Variants in DMD observed in about 807,000 individuals in gnomAD.
The protein encoded by DMD is dystrophin, also known as mutant dystrophin.
DMD carries 63 observed loss-of-function variants against 330.1 expected under a neutral mutation model. The ratio of observed to expected loss-of-function variants is 0.19; its 90% CI spans 0.16 to 0.24. The LOEUF (loss-of-function observed/expected upper bound fraction) is 0.24, where lower values mean the gene tolerates loss of function less well. Among genes scored for constraint, DMD ranks in the 10% least tolerant of loss-of-function variants. DMD has a pLI of 1.00. For missense variants in DMD, 3,344 were observed against 2,684.1 expected (o/e 1.25, Z -5.43); for synonymous variants, 1,223 against 959.8 (o/e 1.27, Z -5.07).
At chrX:32,192,682 C>T (rs933058483) in intron 44 of DMD, among the ~76,000 whole-genome samples, 4 of 111,495 alleles carry the variant, frequency 3.6e-5, no homozygotes, top group Non-Finnish European at 5.6e-5. Flanking sequence ...ACTGGCATGG[C>T]TACTTTGGAA....
In DMD at chrX:31,607,008, C is replaced by G. The variant is rs571411125; in HGVS notation, c.8217+20665G>C. On this transcript the variant is annotated intron_variant, in intron 55 of 78. Coordinates refer to ENST00000357033, the MANE Select transcript of DMD (RefSeq NM_004006.3). ...TTCATAAAGATGATTCAGAATTAAT[C>G]AGTCCTACTGCTACTTTTATTATTT... is the stretch of plus-strand genomic sequence containing the variant. Among the ~76,000 whole-genome samples, 41 of 112,000 alleles carry G rather than the reference C, an allele frequency of 3.7e-4. No individual in the cohort carries two copies. In the South Asian group the frequency reaches 0.015, roughly 40 times the overall value.
At chrX:31,515,631 T>C (rs2072114775) in intron 55 of DMD, among the ~76,000 whole-genome samples, 1 of 111,675 alleles carries the variant, frequency 9.0e-6, no homozygotes, top group Non-Finnish European at 1.9e-5. Context: ...GTGGCTAAAT[T>C]GAGAGTAGGA....
intron 63 of DMD, among the ~76,000 whole-genome samples, chrX:31,229,490 A>G (rs762009529): frequency 1.8e-5 from 2 of 112,024 alleles, no homozygotes; most frequent in South Asian, 7.6e-4. Flanking sequence ...TAACTTTATG[A>G]GTGGAAAGAG....
intron 45 of DMD, among the ~76,000 whole-genome samples, chrX:31,938,605 C>G (rs1269055350): frequency 6.3e-5 from 7 of 111,441 alleles, no homozygotes; most frequent in Non-Finnish European, 9.4e-5. Context: ...CTCAGTTTTC[C>G]AGAGGGCATC....
intron 7 of DMD, among the ~76,000 whole-genome samples, chrX:32,719,969 C>CATATAT (rs58382484): frequency 1.9e-5 from 2 of 103,366 alleles, no homozygotes; most frequent in African/African-American, 3.5e-5. Context: ...TTCATTCATT[C>CATATAT]ATATATATAT....
At chrX:33,045,411 T>C (rs1443380249) in intron 1 of DMD, among the ~76,000 whole-genome samples, 1 of 110,095 alleles carries the variant, frequency 9.1e-6, no homozygotes, top group Non-Finnish European at 1.9e-5. Flanking sequence ...AGGCACTGTT[T>C]CCTCACTGCC....
chrX:32,071,681 C>A (rs1481540189), intron 44 of DMD, among the ~76,000 whole-genome samples: 1 of 109,473 alleles, frequency 9.1e-6, no homozygotes, highest in Admixed American at 9.7e-5. Context: ...TCAGAAATAT[C>A]AAAAAAAAGA....
At chrX:32,398,881 C>A (rs908355945) in intron 30 of DMD, among the ~76,000 whole-genome samples, 6 of 111,340 alleles carry the variant, frequency 5.4e-5, no homozygotes, top group African/African-American at 2.0e-4. Context: ...ATGGTACTGG[C>A]TTAAGCGCAA....
rs1330794611 is a variant in DMD, at chrX:32,581,273, G to T, written c.1603-7427C>A. On this transcript the variant is annotated intron_variant, in intron 13 of 78. Coordinates refer to ENST00000357033, the MANE Select transcript of DMD (RefSeq NM_004006.3). ...TAATAAAATGCATAAGATAATGTAG[G>T]TGTAACAGAATAGGTAGTAATGGGG... Among the ~76,000 whole-genome samples, 4 of 112,183 alleles carry T rather than the reference G, an allele frequency of 3.6e-5. No individual in the cohort carries two copies. The Admixed American group carries it at 3.8e-4, about 11-fold the overall frequency.
In DMD at chrX:32,252,687, TATATATATAA is replaced by T. The variant is rs1182695139; in HGVS notation, c.6290+34832_6290+34841del. On this transcript the variant is annotated intron_variant, in intron 43 of 78. Transcript: ENST00000357033. ...AAATATATATATATAAATATATAAATATATATATAAATATATATAAATATATAAATATATA... is the reference window on the plus strand; with the variant it reads ...AAATATATATATATAAATATATAAATATATATATAAATATATAAATATATA... 4.2e-4 allele frequency among the ~76,000 whole-genome samples: 15 copies of T among 35,513 alleles called. 1 individual carries two copies. Among genetic ancestry groups the T allele is most frequent in the Admixed American group, 5.4e-4 (1 of 1,859 alleles). The allele number at this position is 35,513 out of a possible 115,157, so 30.8% of individuals were successfully genotyped here. A position where few individuals can be genotyped will look rare whatever the true frequency, so the allele number is the denominator to read the frequency against.
chrX:32,675,970 A>T (rs1451528540), intron 9 of DMD, among the ~76,000 whole-genome samples: 1 of 111,616 alleles, frequency 9.0e-6, no homozygotes, highest in African/African-American at 3.2e-5. Flanking sequence ...GAAGGAGCTT[A>T]GGCTAATAAA....
intron 18 of DMD, among the ~76,000 whole-genome samples, chrX:32,511,524 GAAAAAA>G (rs67754841): frequency 1.0e-4 from 5 of 49,795 alleles, no homozygotes; most frequent in Non-Finnish European, 1.4e-4. Context: ...TCCGTCTCGG[GAAAAAA>G]AAAAAAAAAA....
chrX:32,972,119 C>A (rs1056860765), intron 2 of DMD, among the ~76,000 whole-genome samples: 2 of 111,352 alleles, frequency 1.8e-5, no homozygotes, highest in Admixed American at 1.9e-4. Context: ...ATAACCTTGG[C>A]TTTTAATCAA....
intron 44 of DMD, among the ~76,000 whole-genome samples, chrX:32,129,844 G>A (rs2096681771): frequency 9.1e-6 from 1 of 110,161 alleles, no homozygotes; most frequent in Non-Finnish European, 1.9e-5. Context: ...TCATTTTAAA[G>A]GGCAGACATC....
chrX:32,738,298 A>T (rs1211052531), intron 7 of DMD, among the ~76,000 whole-genome samples: 1 of 111,583 alleles, frequency 9.0e-6, no homozygotes, highest in Non-Finnish European at 1.9e-5. Context: ...TATAAAGAAA[A>T]AAAAATCTAT....
At chrX:31,298,647 C>A (rs1207973137) in intron 62 of DMD, among the ~76,000 whole-genome samples, 1 of 112,185 alleles carries the variant, frequency 8.9e-6, no homozygotes, top group East Asian at 2.8e-4. Flanking sequence ...CATGAATACA[C>A]ATAATACTTT....
At chrX:31,138,996 A>C (rs1391567703) in intron 76 of DMD, among the ~76,000 whole-genome samples, 1 of 112,356 alleles carries the variant, frequency 8.9e-6, no homozygotes, top group African/African-American at 3.2e-5. Context: ...ACTGAGTTCC[A>C]GTTGCACACT....
chrX:33,154,782 A>T (rs1279015737), intron 1 of DMD, among the ~76,000 whole-genome samples: 1 of 111,791 alleles, frequency 8.9e-6, no homozygotes, highest in Non-Finnish European at 1.9e-5. Context: ...TCCTTTCAGA[A>T]TATGGTCAAA....
At chrX:31,749,701 T>A (rs1339820413) in intron 51 of DMD, among the ~76,000 whole-genome samples, 1 of 106,370 alleles carries the variant, frequency 9.4e-6, no homozygotes, top group African/African-American at 3.4e-5. Context: ...TAGTTCTAGA[T>A]CCCTGAGGAA....
Sources: allele counts gnomAD v4.1 joint callset (sites outside exome capture counted in the v4.1 genomes callset), GRCh38; gene constraint gnomAD v4.1.1; transcripts MANE v1.5; gene names NCBI Gene and HGNC (gene_info 2026-07-23, HGNC 2026-07-21).